Variants in SLCO3A1 observed in about 807,000 individuals in gnomAD.
SLCO3A1 encodes the protein PGE1 transporter.
Under a neutral mutation model 63.1 loss-of-function variants are expected in SLCO3A1, and 27 were observed. The ratio of observed to expected loss-of-function variants is 0.43; its 90% CI spans 0.32 to 0.59. SLCO3A1 has a LOEUF of 0.59. Among genes scored for constraint, SLCO3A1 ranks in the 20% least tolerant of loss-of-function variants. The pLI, the probability that SLCO3A1 is intolerant of heterozygous loss-of-function variation, is 0.09. For synonymous variants in SLCO3A1, 473 were observed against 409.9 expected, an observed-to-expected ratio of 1.15 and a Z score of -1.86; for missense variants, 773 against 945.8, an observed-to-expected ratio of 0.82 and a Z score of 2.40.
At chr15:91,930,312 A>G (rs1224517803) in intron 2 of SLCO3A1, among the ~76,000 whole-genome samples, 1 of 152,094 alleles carries the variant, frequency 6.6e-6, no homozygotes, top group Non-Finnish European at 1.5e-5. Context: ...ACTGTGCCCA[A>G]TCCAGCCTGT....
At chr15:92,148,083 T>C (rs7494975) in intron 8 of SLCO3A1, among the ~76,000 whole-genome samples, 100,863 of 152,106 alleles carry the variant, frequency 0.66, 33,639 homozygotes, top group African/African-American at 0.74. Flanking sequence ...TGGCACATGC[T>C]TGTAATCCCA....
At chr15:91,891,182 G>T (rs1302393138) in intron 1 of SLCO3A1, among the ~76,000 whole-genome samples, 1 of 151,692 alleles carries the variant, frequency 6.6e-6, no homozygotes, top group East Asian at 1.9e-4. Context: ...CCATTTTTAG[G>T]TAAGTGTGGG....
Position 91,967,643 on chromosome 15 carries a change from GATTA to G in SLCO3A1, c.646+51189_646+51192del, listed in dbSNP as rs1449695923. Among the ~76,000 whole-genome samples, 3 of 152,164 alleles carry G rather than the reference GATTA, an allele frequency of 2.0e-5. No homozygotes were observed. The highest frequency in any genetic ancestry group is 4.4e-5 in the Non-Finnish European group (3 of 68,036). ...ATAAATTAAACCCGTTTTACAGATG[GATTA>G]ATTGTTTTGTCCTTGTTCTGTTGAC... is the stretch of plus-strand genomic sequence containing the variant. On this transcript the variant is annotated intron_variant, in intron 2 of 9. Coordinates refer to ENST00000318445, the MANE Select transcript of SLCO3A1 (RefSeq NM_013272.4). This position sits in a 1 kb window ranked among gnomAD's most constrained non-coding sequence, Gnocchi z 4.4.
chr15:92,114,147 CAAAT>C (rs1356034826), intron 4 of SLCO3A1, among the ~76,000 whole-genome samples: 5 of 152,142 alleles, frequency 3.3e-5, no homozygotes, highest in Non-Finnish European at 5.9e-5. Flanking sequence ...ACTGACTTAA[CAAAT>C]AAGCTCCCCC....
chr15:92,026,392 G>A (rs1440327618), intron 2 of SLCO3A1, among the ~76,000 whole-genome samples: 1 of 152,242 alleles, frequency 6.6e-6, no homozygotes, highest in Non-Finnish European at 1.5e-5. Context: ...AGTGACGAGA[G>A]CAGGTGGTGG....
rs1899880782 is a variant in SLCO3A1, at chr15:91,948,312, G to A, written c.646+31854G>A. Among the ~76,000 whole-genome samples the A allele has an allele frequency of 1.3e-5, 2 of 152,270 alleles. No individual in the cohort carries two copies. The highest frequency in any genetic ancestry group is 3.9e-4 in the East Asian group (2 of 5,174). On this transcript the variant is annotated intron_variant, in intron 2 of 9. Coordinates refer to ENST00000318445, the MANE Select transcript of SLCO3A1 (RefSeq NM_013272.4). This position sits in a 1 kb window ranked among gnomAD's most constrained non-coding sequence, Gnocchi z 4.8. ...TGACCCTGCGTAGTGCTCCTGGGAG[G>A]TGCATTTGAGCTGTCCTAGAAGGGC... is the stretch of plus-strand genomic sequence containing the variant.
At chr15:91,936,192 A>AC (rs1302617293) in intron 2 of SLCO3A1, among the ~76,000 whole-genome samples, 1 of 152,268 alleles carries the variant, frequency 6.6e-6, no homozygotes, top group East Asian at 1.9e-4. Context: ...CATGACTGGC[A>AC]CATAGTAAGT....
At chr15:92,130,114 T>C (rs903548787) in intron 7 of SLCO3A1, among the ~76,000 whole-genome samples, 9 of 152,224 alleles carry the variant, frequency 5.9e-5, no homozygotes, top group Non-Finnish European at 1.3e-4. Flanking sequence ...TAGTCTAGTG[T>C]CCTGAGACCA....
At position 92,085,397 on chromosome 15, in the gene SLCO3A1, G is replaced by T. The variant is rs897195811; in HGVS notation, c.647-9484G>T. 2.0e-5 allele frequency among the ~76,000 whole-genome samples: 3 copies of T among 152,326 alleles called. No homozygotes were observed. In the South Asian group the frequency reaches 6.2e-4, roughly 32 times the overall value. On this transcript the variant is annotated intron_variant, in intron 2 of 9. Transcript: ENST00000318445. ...TAACTGGGGACCCAGTTTTGCGTAG[G>T]CATATTGTGGTTAAGCTGCTGCCTG...
chr15:92,084,212 C>A (rs891043698), intron 2 of SLCO3A1, among the ~76,000 whole-genome samples: 1 of 151,988 alleles, frequency 6.6e-6, no homozygotes, highest in Non-Finnish European at 1.5e-5. Context: ...CCTGTATTTT[C>A]CACATTCTCT....
At chr15:92,156,823 G>A (rs868241733) in intron 9 of SLCO3A1, among the ~76,000 whole-genome samples, 4 of 152,156 alleles carry the variant, frequency 2.6e-5, no homozygotes, top group African/African-American at 4.8e-5. Flanking sequence ...GTAAGTGGCC[G>A]TAATTTTCAG....
chr15:91,955,180 CG>C (rs1900128521), intron 2 of SLCO3A1, among the ~76,000 whole-genome samples: 1 of 152,096 alleles, frequency 6.6e-6, no homozygotes, highest in Non-Finnish European at 1.5e-5. Context: ...TCAGCTTCCA[CG>C]TGAAGAAACT....
chr15:92,058,811 G>A (rs763909094), intron 2 of SLCO3A1, among the ~76,000 whole-genome samples: 5 of 152,090 alleles, frequency 3.3e-5, no homozygotes, highest in Non-Finnish European at 7.4e-5. Context: ...TGCCTGCCCC[G>A]CCTGCCTTCT....
intron 1 of SLCO3A1, among the ~76,000 whole-genome samples, chr15:91,911,799 G>C (rs2151376989): frequency 6.6e-6 from 1 of 152,024 alleles, no homozygotes; most frequent in African/African-American, 2.4e-5. Flanking sequence ...GCTAATTTTT[G>C]TATTTTTAGT....
chr15:91,883,812 C>T lies in SLCO3A1; in HGVS notation c.180+29724C>T, dbSNP rs1897657415. On this transcript the variant is annotated intron_variant, in intron 1 of 9. Transcript: ENST00000318445. This position sits in a 1 kb window ranked among gnomAD's most constrained non-coding sequence, Gnocchi z 4.8. ...TCCTGATAGTACATCACAGTTGCTACACTCACTTCTGTGGGTCCACACCCC... is the reference window on the plus strand; with the variant it reads ...TCCTGATAGTACATCACAGTTGCTATACTCACTTCTGTGGGTCCACACCCC... 6.6e-6 allele frequency among the ~76,000 whole-genome samples: 1 copy of T among 152,204 alleles called. No individual in the cohort carries two copies. The highest frequency in any genetic ancestry group is 2.4e-5 in the African/African-American group (1 of 41,446).
rs773810098 is a variant in SLCO3A1, at chr15:91,958,596, T to G, written c.646+42138T>G. Reference sequence around the variant, plus strand: ...TTGGGTGCTCAGTATTTATTAGCCCTTATACTACATTAATTTGGTGTTAGG... The same window carrying G: ...TTGGGTGCTCAGTATTTATTAGCCCGTATACTACATTAATTTGGTGTTAGG... On this transcript the variant is annotated intron_variant, in intron 2 of 9. Coordinates refer to ENST00000318445, the MANE Select transcript of SLCO3A1 (RefSeq NM_013272.4). 2.2e-4 allele frequency among the ~76,000 whole-genome samples: 33 copies of G among 152,196 alleles called. 1 individual carries two copies. The highest frequency in any genetic ancestry group is 8.8e-5 in the Non-Finnish European group (6 of 68,042).
At chr15:92,059,842 C>T (rs1689514758) in intron 2 of SLCO3A1, among the ~76,000 whole-genome samples, 1 of 152,194 alleles carries the variant, frequency 6.6e-6, no homozygotes, top group Admixed American at 6.5e-5. Flanking sequence ...ATGATGAAGA[C>T]ACTTTCTGAG....
chr15:92,115,049 CA>C (rs1399532939), intron 4 of SLCO3A1, among the ~76,000 whole-genome samples: 4 of 125,286 alleles, frequency 3.2e-5, no homozygotes, highest in African/African-American at 1.1e-4. Context: ...GGTGTGTTGA[CA>C]GCAATGTTAT....
chr15:92,045,768 C>T (rs1002181436), intron 2 of SLCO3A1, among the ~76,000 whole-genome samples: 2 of 152,140 alleles, frequency 1.3e-5, no homozygotes, highest in African/African-American at 4.8e-5. Flanking sequence ...TGCGGAGTGC[C>T]AGCATCTATA....
Sources: allele counts gnomAD v4.1 joint callset (sites outside exome capture counted in the v4.1 genomes callset), GRCh38; gene constraint gnomAD v4.1.1; non-coding constraint Gnocchi (gnomAD v3.1); transcripts MANE v1.5; gene names NCBI Gene and HGNC (gene_info 2026-07-23, HGNC 2026-07-21).